Variants in RNF130 observed in about 807,000 individuals in gnomAD.
The protein encoded by RNF130 is ring finger protein 130, also known as E3 ubiquitin-protein ligase RNF130.
In RNF130, 21 loss-of-function variants were observed where a neutral mutation model predicts 44.6. The observed-to-expected ratio is 0.47, with a 90% CI of 0.33 to 0.68. The LOEUF is 0.68. RNF130 is among the 30% of genes least tolerant of loss of function. The probability of loss-of-function intolerance (pLI) is 0.02; values close to 1 mark genes in which losing one functional copy is unlikely to be tolerated. For missense variants in RNF130, 479 were observed against 560.6 expected, an observed-to-expected ratio of 0.85 and a Z score of 1.47; for synonymous variants, 214 against 210.4, an observed-to-expected ratio of 1.02 and a Z score of -0.15.
At chr5:179,976,515 C>CA (rs1452323709) in intron 5 of RNF130, among the ~76,000 whole-genome samples, 2 of 152,186 alleles carry the variant, frequency 1.3e-5, no homozygotes, top group Non-Finnish European at 2.9e-5. Context: ...CCTTTAGCCT[C>CA]ACGTTTAGAC....
intron 2 of RNF130, among the ~76,000 whole-genome samples, chr5:180,033,781 T>C (rs1393416638): frequency 6.6e-6 from 1 of 151,700 alleles, no homozygotes; most frequent in Non-Finnish European, 1.5e-5. Context: ...GACTTGTTTA[T>C]TACATCTAGT....
intron 2 of RNF130, among the ~76,000 whole-genome samples, chr5:180,018,784 T>G (rs775220389): frequency 5.9e-5 from 9 of 152,128 alleles, no homozygotes; most frequent in South Asian, 4.1e-4. Flanking sequence ...ACAAAAGAAT[T>G]TATGCTTTAG....
chr5:179,919,282 A>G (rs27471), exon 8 of RNF130: 87,083 of 152,334 alleles, frequency 0.57, 27,789 homozygotes, highest in African/African-American at 0.85. Context: ...GATGCTGGCC[A>G]CTGCACCCTG....
intron 2 of RNF130, among the ~76,000 whole-genome samples, chr5:180,029,277 C>A (rs1248312338): frequency 2.6e-5 from 4 of 151,980 alleles, no homozygotes; most frequent in Non-Finnish European, 5.9e-5. Context: ...GAAACTGAGA[C>A]AGCTATGGAA....
intron 2 of RNF130, among the ~76,000 whole-genome samples, chr5:180,019,383 C>CAAA (rs56691249): frequency 8.9e-6 from 1 of 111,824 alleles, no homozygotes; most frequent in African/African-American, 3.0e-5. Context: ...GACTCTGTCT[C>CAAA]AAAAAAAAAA....
intron 8 of RNF130, among the ~76,000 whole-genome samples, chr5:179,958,656 T>C (rs949565948): frequency 6.6e-6 from 1 of 152,218 alleles, no homozygotes; most frequent in Admixed American, 6.5e-5. Context: ...TCCCGTGTTT[T>C]GGACGGACAA....
chr5:180,050,460 A>T (rs976337138), intron 1 of RNF130, among the ~76,000 whole-genome samples: 1 of 152,238 alleles, frequency 6.6e-6, no homozygotes, highest in Admixed American at 6.5e-5. Context: ...CGGTCTACCC[A>T]TTCAAACGTT....
intron 8 of RNF130, among the ~76,000 whole-genome samples, chr5:179,958,070 G>T (rs945347156): frequency 1.3e-5 from 2 of 151,910 alleles, no homozygotes; most frequent in Non-Finnish European, 2.9e-5. Context: ...GTAGAGACGG[G>T]GTTTCACTGT....
rs547903064 is a variant in RNF130, at chr5:180,056,013, G to A, written c.248-15366C>T. On this transcript the variant is annotated intron_variant, in intron 1 of 8. Coordinates refer to ENST00000521389, the MANE Select transcript of RNF130 (RefSeq NM_018434.6). ...GCAGGAGAATTGCTTGAACCCGGGA[G>A]GCAGAGGTTGCAGTGAGCTGAGATG... is the stretch of plus-strand genomic sequence containing the variant. Among the ~76,000 whole-genome samples, 3 of 152,170 alleles carry A rather than the reference G, an allele frequency of 2.0e-5. No homozygotes were observed. The South Asian group carries it at 6.2e-4, about 32-fold the overall frequency.
chr5:179,917,725 GGC>G (rs1342432891), exon 8 of RNF130: 3 of 152,220 alleles, frequency 2.0e-5, no homozygotes, highest in African/African-American at 7.2e-5. Context: ...TTCTTGGCTG[GGC>G]ATGGTGGCTC....
chr5:179,948,421 G>C (rs1046303880), intron 7 of RNF130, among the ~76,000 whole-genome samples: 1 of 152,112 alleles, frequency 6.6e-6, no homozygotes, highest in Non-Finnish European at 1.5e-5. Flanking sequence ...TGTAATCCCA[G>C]CACTTTGGGA....
At chr5:180,051,556 G>A (rs994993754) in intron 1 of RNF130, among the ~76,000 whole-genome samples, 1 of 152,172 alleles carries the variant, frequency 6.6e-6, no homozygotes, top group African/African-American at 2.4e-5. Context: ...GAATTTTTAA[G>A]AAGGTGGCAG....
At chr5:179,928,722 G>A (rs1374020995) in intron 7 of RNF130, among the ~76,000 whole-genome samples, 3 of 151,380 alleles carry the variant, frequency 2.0e-5, no homozygotes, top group East Asian at 3.9e-4. Flanking sequence ...CCCGCCTCCT[G>A]GGTTCATGCC....
chr5:179,980,854 G>A (rs192070440), intron 3 of RNF130, among the ~76,000 whole-genome samples: 1 of 152,300 alleles, frequency 6.6e-6, no homozygotes. Context: ...TGCTAGCACT[G>A]CTTGGCACCA....
chr5:179,928,325 GCTCT>G (rs1313072505), intron 7 of RNF130, among the ~76,000 whole-genome samples: 2 of 151,714 alleles, frequency 1.3e-5, no homozygotes, highest in African/African-American at 2.4e-5. Context: ...AATTCCAGTG[GCTCT>G]CTTTCTGTGC....
chr5:180,023,917 T>TAC (rs1200003619), intron 2 of RNF130, among the ~76,000 whole-genome samples: 1 of 152,210 alleles, frequency 6.6e-6, no homozygotes, highest in East Asian at 1.9e-4. Context: ...TGACAGACAC[T>TAC]ACCTCAGCCA....
chr5:180,045,943 C>T (rs1029333943), intron 1 of RNF130, among the ~76,000 whole-genome samples: 5 of 152,326 alleles, frequency 3.3e-5, no homozygotes, highest in South Asian at 2.1e-4. Context: ...GGATCCCGTG[C>T]GGCATGCCCA....
At chr5:179,970,305 T>C in intron 6 of RNF130, 105 bp downstream of exon 6, 1 of 790,552 alleles carries the variant, frequency 1.3e-6, no homozygotes, top group Non-Finnish European at 1.9e-6. Flanking sequence ...CAGTGTTTTC[T>C]TCTGTGTCTT....
intron 1 of RNF130, among the ~76,000 whole-genome samples, chr5:180,042,602 T>TA (rs1219501693): frequency 1.3e-5 from 2 of 152,236 alleles, no homozygotes; most frequent in African/African-American, 4.8e-5. Flanking sequence ...AGTGACCTGT[T>TA]ACGATAATCT....
Sources: gnomAD v4.1 joint callset for allele counts (sites outside exome capture counted in the v4.1 genomes callset) on GRCh38, gnomAD v4.1.1 for gene constraint, MANE v1.5 for transcripts, NCBI Gene and HGNC (gene_info 2026-07-23, HGNC 2026-07-21) for gene names.